The following PTPRD variants were observed in gnomAD, a reference collection of about 807,000 sequenced individuals.
PTPRD encodes receptor-type tyrosine-protein phosphatase delta.
PTPRD carries 34 observed loss-of-function variants against 214.5 expected under a neutral mutation model. The ratio of observed to expected loss-of-function variants is 0.16; its 90% CI spans 0.12 to 0.21. The LOEUF (loss-of-function observed/expected upper bound fraction) is 0.21, where lower values mean the gene tolerates loss of function less well. Ranked by LOEUF, PTPRD falls within the 10% of genes least tolerant of loss-of-function variation. PTPRD has a pLI of 1.00. For synonymous variants in PTPRD, 1,128 were observed against 845.7 expected, an observed-to-expected ratio of 1.33 and a Z score of -5.79; for missense variants, 2,545 against 2,398.7, an observed-to-expected ratio of 1.06 and a Z score of -1.27.
chr9:8,319,886 A>G lies in PTPRD; in HGVS notation c.5615T>C (p.Ile1872Thr), dbSNP rs1825639927. 6.2e-7 allele frequency: 1 copy of G among 1,613,136 alleles called. No homozygotes were observed. Among genetic ancestry groups the G allele is most frequent in the Non-Finnish European group, 8.5e-7 (1 of 1,179,462 alleles). Residue 1872 changes from isoleucine (I) to threonine (T), a missense_variant, in exon 45 of 46, where the codon ATC (isoleucine) becomes ACC (threonine). Physicochemically the swap from Ile to Thr is moderately conservative, Grantham distance 89. Coordinates refer to ENST00000381196, the MANE Select transcript of PTPRD (RefSeq NM_002839.4). ...ERMRYEGVVD[I>T]FQTVKMLRTQ... is the part of the protein sequence containing the mutation. ...TCTTAACATTTTGACAGTCTGGAAG[A>G]TATCTACAACTCCTTCATATCTCAT...
chr9:8,452,313 T>C (rs1328528833), intron 33 of PTPRD, among the ~76,000 whole-genome samples: 1 of 152,108 alleles, frequency 6.6e-6, no homozygotes, highest in East Asian at 1.9e-4. Flanking sequence ...TAAACACTTA[T>C]TATGTGATGT....
At position 9,160,943 on chromosome 9, in the gene PTPRD, A is replaced by T. The variant is rs113799871; in HGVS notation, c.-143+22361T>A. ...CCAGGCACAGAAAGACAAATACCAC[A>T]TGATCTCACTTACGTTACTTATATG... is the stretch of plus-strand genomic sequence containing the variant. On this transcript the variant is annotated intron_variant, in intron 10 of 45. Transcript: ENST00000381196. 1.9e-3 allele frequency among the ~76,000 whole-genome samples: 283 copies of T among 152,294 alleles called. 1 individual carries two copies. The highest frequency in any genetic ancestry group is 6.4e-3 in the African/African-American group (266 of 41,582).
chr9:9,092,922 T>A (rs1464800149), intron 10 of PTPRD, among the ~76,000 whole-genome samples: 1 of 152,130 alleles, frequency 6.6e-6, no homozygotes, highest in Middle Eastern at 3.4e-3. Flanking sequence ...CAATACTCTA[T>A]TATATGCTAT....
chr9:9,912,445 C>A (rs2079462734), intron 5 of PTPRD, among the ~76,000 whole-genome samples: 1 of 152,144 alleles, frequency 6.6e-6, no homozygotes. Context: ...ATCTTGGACT[C>A]CTCAGCATAA....
chr9:8,523,222 G>C (rs866452149), intron 19 of PTPRD, among the ~76,000 whole-genome samples: 14 of 152,242 alleles, frequency 9.2e-5, no homozygotes, highest in African/African-American at 3.4e-4. Flanking sequence ...CAGGGTGGGA[G>C]ATGGGGACAG....
At position 10,166,241 on chromosome 9, in the gene PTPRD, T is replaced by C. The variant is rs551202737; in HGVS notation, c.-544-132451A>G. On this transcript the variant is annotated intron_variant, in intron 3 of 45. Transcript: ENST00000381196. ...ACCTAGTAATAAAGGGACTGAAAAATTGAAAAAAAAAAAAAACAAAACACT... is the reference window on the plus strand; with the variant it reads ...ACCTAGTAATAAAGGGACTGAAAAACTGAAAAAAAAAAAAAACAAAACACT... Among the ~76,000 whole-genome samples, 6 of 144,090 alleles carry C rather than the reference T, an allele frequency of 4.2e-5. No individual in the cohort carries two copies. The East Asian group carries it at 1.2e-3, about 29-fold the overall frequency. The allele number at this position is 144,090 out of a possible 152,430, so 94.5% of individuals were successfully genotyped here. A position where few individuals can be genotyped will look rare whatever the true frequency, so the allele number is the denominator to read the frequency against.
intron 12 of PTPRD, among the ~76,000 whole-genome samples, chr9:8,691,303 CA>C (rs1439323485): frequency 1.4e-4 from 21 of 151,964 alleles, no homozygotes; most frequent in African/African-American, 4.8e-4. Context: ...TCTTCCTCTC[CA>C]TCCTACTGTG....
chr9:10,158,883 T>C (rs960196350), intron 3 of PTPRD, among the ~76,000 whole-genome samples: 1 of 152,154 alleles, frequency 6.6e-6, no homozygotes, highest in Non-Finnish European at 1.5e-5. Flanking sequence ...TCCCTAAGGA[T>C]ATCCAGAGAC....
intron 9 of PTPRD, among the ~76,000 whole-genome samples, chr9:9,216,255 CA>C: frequency 6.6e-6 from 1 of 152,250 alleles, no homozygotes; most frequent in African/African-American, 2.4e-5. Context: ...AATATAGACA[CA>C]ACAAATATTA....
In PTPRD at chr9:8,667,205, G is replaced by A. The variant is rs139480634; in HGVS notation, c.65-30361C>T. 8.5e-4 allele frequency among the ~76,000 whole-genome samples: 130 copies of A among 152,278 alleles called. 4 individuals carry two copies. In the East Asian group the frequency reaches 0.018, roughly 21 times the overall value. On this transcript the variant is annotated intron_variant, in intron 12 of 45. Coordinates refer to ENST00000381196, the MANE Select transcript of PTPRD (RefSeq NM_002839.4). ...AATACAAAAATTAGCTGGGCGTTGT[G>A]GTGGGCGCCTGTAATCCCAGCTACT...
chr9:10,532,332 G>A (rs2056589941), intron 2 of PTPRD: 1 of 154,086 alleles, frequency 6.5e-6, no homozygotes, highest in South Asian at 2.0e-4. Context: ...CTGGTTGGTT[G>A]TAGTCATGTA....
At chr9:10,299,296 C>G (rs866155963) in intron 3 of PTPRD, among the ~76,000 whole-genome samples, 1 of 152,048 alleles carries the variant, frequency 6.6e-6, no homozygotes, top group Non-Finnish European at 1.5e-5. Context: ...ATTTTTCTAA[C>G]TTATGAGTTA....
intron 10 of PTPRD, among the ~76,000 whole-genome samples, chr9:9,123,775 A>G (rs966396205): frequency 6.6e-6 from 1 of 152,214 alleles, no homozygotes; most frequent in Non-Finnish European, 1.5e-5. Context: ...GTTGAAAGGT[A>G]GATTCCAAAG....
intron 31 of PTPRD, among the ~76,000 whole-genome samples, chr9:8,470,350 T>G (rs565005339): frequency 1.4e-4 from 22 of 152,268 alleles, no homozygotes; most frequent in Non-Finnish European, 3.1e-4. Context: ...ACAAGAAGAG[T>G]ACCAATTATA....
chr9:10,169,496 A>T (rs2099186707), intron 3 of PTPRD, among the ~76,000 whole-genome samples: 2 of 148,768 alleles, frequency 1.3e-5, no homozygotes. Flanking sequence ...AAAAAAAAGC[A>T]ATGAGTAGGA....
chr9:10,528,698 T>C (rs1433304575), intron 2 of PTPRD, among the ~76,000 whole-genome samples: 1 of 152,264 alleles, frequency 6.6e-6, no homozygotes, highest in East Asian at 1.9e-4. Flanking sequence ...TTAATTAACA[T>C]TGGTATATAG....
chr9:8,780,230 T>A (rs79877245), intron 11 of PTPRD, among the ~76,000 whole-genome samples: 6,521 of 152,254 alleles, frequency 0.043, 221 homozygotes, highest in African/African-American at 0.094. Flanking sequence ...TAGATAATTA[T>A]TCCACCGCAC....
chr9:9,472,202 TTTTTC>T (rs1193895071), intron 8 of PTPRD, among the ~76,000 whole-genome samples: 1 of 96,534 alleles, frequency 1.0e-5, no homozygotes, highest in Non-Finnish European at 2.3e-5. Flanking sequence ...TTTTTTTTTT[TTTTTC>T]TTTTTTTGAG....
chr9:9,241,060 T>C (rs1009386072), intron 9 of PTPRD, among the ~76,000 whole-genome samples: 59 of 152,130 alleles, frequency 3.9e-4, no homozygotes, highest in African/African-American at 1.2e-3. Flanking sequence ...ATAAATGAAC[T>C]GAGTGATTTT....
Sources: allele counts gnomAD v4.1 joint callset (sites outside exome capture counted in the v4.1 genomes callset), GRCh38; gene constraint gnomAD v4.1.1; transcripts MANE v1.5; gene names NCBI Gene and HGNC (gene_info 2026-07-23, HGNC 2026-07-21).